Variants in SHTN1 observed in about 807,000 individuals in gnomAD.
SHTN1 encodes the protein shootin-1.
Under a neutral mutation model 83.1 loss-of-function variants are expected in SHTN1, and 42 were observed. The ratio of observed to expected loss-of-function variants is 0.51; its 90% CI spans 0.39 to 0.65. The LOEUF (loss-of-function observed/expected upper bound fraction) is 0.65, where lower values mean the gene tolerates loss of function less well. SHTN1 is among the 30% of genes least tolerant of loss of function. The pLI, the probability that SHTN1 is intolerant of heterozygous loss-of-function variation, is 0.00. For synonymous variants in SHTN1, 224 were observed against 247.7 expected (o/e 0.90, Z 0.90); for missense variants, 622 against 737.8 (o/e 0.84, Z 1.82).
At chr10:117,074,860 C>A (rs1457959637) in intron 1 of SHTN1, among the ~76,000 whole-genome samples, 1 of 152,088 alleles carries the variant, frequency 6.6e-6, no homozygotes. Context: ...ATAGCAGGTA[C>A]TCTCTACGGC....
chr10:116,889,954 T>C (rs1448216164), intron 16 of SHTN1, among the ~76,000 whole-genome samples: 2 of 152,024 alleles, frequency 1.3e-5, no homozygotes, highest in Non-Finnish European at 2.9e-5. Flanking sequence ...GTCCTTTCTT[T>C]CTCCTAGGCC....
chr10:117,001,049 TATG>T (rs1851806389), intron 1 of SHTN1, among the ~76,000 whole-genome samples: 1 of 152,008 alleles, frequency 6.6e-6, no homozygotes, highest in Non-Finnish European at 1.5e-5. Context: ...GAGCAAATTG[TATG>T]ATGTTTTGTA....
intron 9 of SHTN1, among the ~76,000 whole-genome samples, chr10:116,937,665 T>A (rs1302664526): frequency 6.6e-6 from 1 of 152,116 alleles, no homozygotes; most frequent in Admixed American, 6.5e-5. Flanking sequence ...TCGAGGAGTA[T>A]CTTTGTGGTG....
chr10:116,910,633 G>A (rs748285716), intron 14 of SHTN1, among the ~76,000 whole-genome samples: 1 of 152,146 alleles, frequency 6.6e-6, no homozygotes, highest in African/African-American at 2.4e-5. Flanking sequence ...CTCTTTCACT[G>A]TTGGCCAGAA....
At chr10:116,903,299 G>A (rs536324242) in intron 15 of SHTN1, among the ~76,000 whole-genome samples, 2 of 152,248 alleles carry the variant, frequency 1.3e-5, no homozygotes, top group East Asian at 3.9e-4. Flanking sequence ...TTGAGAGGCC[G>A]AGGCAGGCGG....
intron 7 of SHTN1, 84 bp downstream of exon 7, chr10:116,948,832 G>T: frequency 1.2e-6 from 1 of 855,884 alleles, no homozygotes; most frequent in South Asian, 3.3e-5. Context: ...GTCATATTTA[G>T]GCACAGGTGT....
At chr10:117,066,220 G>A (rs1182829939) in intron 1 of SHTN1, among the ~76,000 whole-genome samples, 1 of 152,090 alleles carries the variant, frequency 6.6e-6, no homozygotes, top group Non-Finnish European at 1.5e-5. Flanking sequence ...TGGGAAACAG[G>A]CTTGCAATTT....
At chr10:116,917,899 A>G (rs866986877) in intron 12 of SHTN1, among the ~76,000 whole-genome samples, 7 of 152,310 alleles carry the variant, frequency 4.6e-5, no homozygotes, top group South Asian at 2.1e-4. Context: ...CAGATTCCCT[A>G]CTCAGGCGCA....
In SHTN1 at chr10:116,886,247, C is replaced by A; in HGVS notation, c.*97G>T. 1 of 1,490,438 alleles carries A rather than the reference C, an allele frequency of 6.7e-7. No individual in the cohort carries two copies. The allele number at this position is 1,490,438 out of a possible 1,614,324, so 92.3% of individuals were successfully genotyped here. On this transcript the variant is annotated 3_prime_UTR_variant, in exon 17 of 17. Transcript: ENST00000355371. ...AGAACCTGTATTCTGAATACAGTGA[C>A]CAGAGCAGAATGTCTACAGCCCTTG...
intron 10 of SHTN1, 40 bp from the exon 11 acceptor site, chr10:116,927,931 G>A (rs768676289): frequency 2.5e-6 from 4 of 1,605,438 alleles, no homozygotes. Context: ...GCTGAAATAA[G>A]CAACTAAACA....
intron 1 of SHTN1, among the ~76,000 whole-genome samples, chr10:117,050,738 A>G (rs936844699): frequency 6.6e-6 from 1 of 152,136 alleles, no homozygotes; most frequent in African/African-American, 2.4e-5. Context: ...AAAATCAAAT[A>G]TGAAACTGAG....
intron 13 of SHTN1, among the ~76,000 whole-genome samples, chr10:116,913,539 A>G (rs1848280070): frequency 6.6e-6 from 1 of 152,250 alleles, no homozygotes; most frequent in Non-Finnish European, 1.5e-5. Context: ...TCTGAAAACG[A>G]AAGTACGTAT....
At chr10:116,946,484 A>C (rs1439042025) in intron 7 of SHTN1, among the ~76,000 whole-genome samples, 2 of 144,696 alleles carry the variant, frequency 1.4e-5, no homozygotes, top group Non-Finnish European at 3.0e-5. Context: ...AAATGTAAAT[A>C]TTTTATATAT....
chr10:116,935,439 T>C (rs920236242), intron 9 of SHTN1, among the ~76,000 whole-genome samples: 2 of 152,230 alleles, frequency 1.3e-5, no homozygotes, highest in Non-Finnish European at 2.9e-5. Context: ...GTTTTTGTCA[T>C]TGGTTCTGTT....
intron 1 of SHTN1, among the ~76,000 whole-genome samples, chr10:116,996,224 AG>A (rs1195225478): frequency 6.6e-6 from 1 of 152,172 alleles, no homozygotes; most frequent in Admixed American, 6.5e-5. Context: ...ACTAGATTCT[AG>A]CCCTGTTCAT....
At chr10:116,905,901 T>A (rs910431054) in intron 15 of SHTN1, among the ~76,000 whole-genome samples, 2 of 152,178 alleles carry the variant, frequency 1.3e-5, no homozygotes, top group African/African-American at 4.8e-5. Flanking sequence ...ATGGGATACA[T>A]TTTGAGGCCT....
exon 1 of SHTN1, chr10:117,126,380 G>T: frequency 5.7e-6 from 1 of 176,832 alleles, no homozygotes; most frequent in African/African-American, 2.4e-5. Flanking sequence ...GCCGGGTCCA[G>T]GCTCACAGGA....
At chr10:117,005,574 C>A (rs1851991075), upstream of SHTN1, 6 of 995,240 alleles carry the variant, frequency 6.0e-6, no homozygotes, top group Non-Finnish European at 7.2e-6. Context: ...GAGCGGGACG[C>A]AATGAGCCAT....
At chr10:117,030,491 C>T (rs1852399193) in intron 2 of SHTN1, among the ~76,000 whole-genome samples, 1 of 152,088 alleles carries the variant, frequency 6.6e-6, no homozygotes, top group Non-Finnish European at 1.5e-5. Context: ...GGAAACAGGA[C>T]ATCACCACAT....
Sources: gnomAD v4.1 joint callset for allele counts (sites outside exome capture counted in the v4.1 genomes callset) on GRCh38, gnomAD v4.1.1 for gene constraint, MANE v1.5 for transcripts, NCBI Gene and HGNC (gene_info 2026-07-23, HGNC 2026-07-21) for gene names.